PARPBP: variants seen among roughly 807,000 people sequenced by gnomAD.
PARPBP encodes the protein PARP1 binding protein.
Under a neutral mutation model 50.0 loss-of-function variants are expected in PARPBP, and 52 were observed. The ratio of observed to expected loss-of-function variants is 1.04; its 90% CI spans 0.83 to 1.31. PARPBP has a LOEUF of 1.31. Among genes scored for constraint, PARPBP ranks in the 50% most tolerant of loss-of-function variants. The pLI, the probability that PARPBP is intolerant of heterozygous loss-of-function variation, is 0.00. For synonymous variants in PARPBP, 244 were observed against 232.1 expected (o/e 1.05, Z -0.47); for missense variants, 697 against 672.0 (o/e 1.04, Z -0.41).
At chr12:102,185,312 G>C (rs931318556) in intron 9 of PARPBP, among the ~76,000 whole-genome samples, 1 of 152,172 alleles carries the variant, frequency 6.6e-6, no homozygotes, top group African/African-American at 2.4e-5. Flanking sequence ...CCGTTATTCT[G>C]TTGATATAAT....
Position 102,196,363 on chromosome 12 carries a change from G to T in PARPBP, c.*72G>T. On this transcript the variant is annotated 3_prime_UTR_variant, in exon 11 of 11. Transcript: ENST00000327680. ...CCAAAGACATGCTTAATTTTTAAGA[G>T]ATCAAGGTGTAAATTATGATGATTT... is the stretch of plus-strand genomic sequence containing the variant. The T allele has an allele frequency of 1.0e-6, 1 of 983,226 alleles. No homozygotes were observed. Among genetic ancestry groups the T allele is most frequent in the South Asian group, 1.6e-5 (1 of 61,230 alleles). The allele number at this position is 983,226 out of a possible 1,614,324, so 60.9% of individuals were successfully genotyped here. A position where few individuals can be genotyped will look rare whatever the true frequency, so the allele number is the denominator to read the frequency against.
chr12:102,153,385 GC>G (rs1227066973), intron 3 of PARPBP, among the ~76,000 whole-genome samples: 1 of 152,124 alleles, frequency 6.6e-6, no homozygotes, highest in East Asian at 1.9e-4. Flanking sequence ...TCACTCTGGC[GC>G]CCAGGTTGGA....
intron 2 of PARPBP, among the ~76,000 whole-genome samples, chr12:102,147,188 C>T (rs1399304162): frequency 1.3e-5 from 2 of 152,150 alleles, no homozygotes; most frequent in Non-Finnish European, 2.9e-5. Flanking sequence ...ACTAGAAATA[C>T]CATTTGACCC....
Position 102,123,981 on chromosome 12 carries a change from A to G in PARPBP, c.93A>G (p.Leu31=), listed in dbSNP as rs955571068. The change falls in exon 2 of 11, where the codon CTA becomes CTG. Residue 31 remains leucine, a synonymous_variant. Transcript: ENST00000327680. ...TTTGTAACTCTGAGAGAACTACTCT[A>G]TGTGGTGCAGACTCCATGCTCTTGG... ...RALCNSERTT[L]CGADSMLLAL... is the part of the protein sequence containing the mutation. 1 of 1,534,010 alleles carries G rather than the reference A, an allele frequency of 6.5e-7. No individual in the cohort carries two copies. Among genetic ancestry groups the G allele is most frequent in the Non-Finnish European group, 8.7e-7 (1 of 1,145,008 alleles).
At chr12:102,145,909 C>G (rs1885280830) in intron 2 of PARPBP, among the ~76,000 whole-genome samples, 1 of 152,076 alleles carries the variant, frequency 6.6e-6, no homozygotes, top group Non-Finnish European at 1.5e-5. Flanking sequence ...AGCAATGGCT[C>G]AAGGTTTTAG....
At chr12:102,153,256 A>C (rs753983269) in intron 3 of PARPBP, among the ~76,000 whole-genome samples, 1 of 152,074 alleles carries the variant, frequency 6.6e-6, no homozygotes, top group African/African-American at 2.4e-5. Context: ...CCTTCTTCCA[A>C]ATTGCCTTTG....
chr12:102,141,556 A>G (rs982507462), intron 2 of PARPBP, among the ~76,000 whole-genome samples: 21 of 152,280 alleles, frequency 1.4e-4, no homozygotes, highest in African/African-American at 4.8e-4. Flanking sequence ...TTTGCTCGTT[A>G]GTTGATGCAG....
rs192998354 is a variant in PARPBP, at chr12:102,142,949, T to C, written c.154-5281T>C. Among the ~76,000 whole-genome samples the C allele has an allele frequency of 9.8e-5, 15 of 152,340 alleles. No individual in the cohort carries two copies. The East Asian group carries it at 2.9e-3, about 29-fold the overall frequency. ...GGCTACTTGGTGTTCAGGGACCTAC[T>C]TGAGGAGGCAGTCTGTCCGTTCTCA... On this transcript the variant is annotated intron_variant, in intron 2 of 10. Coordinates refer to ENST00000327680, the MANE Select transcript of PARPBP (RefSeq NM_017915.5).
intron 3 of PARPBP, among the ~76,000 whole-genome samples, chr12:102,152,847 C>T (rs762294691): frequency 1.6e-5 from 2 of 127,264 alleles, no homozygotes; most frequent in African/African-American, 6.5e-5. Context: ...AAATTAAGCA[C>T]AATAAATATT....
At position 102,122,692 on chromosome 12, in the gene PARPBP, G is replaced by A. The variant is rs1338325427; in HGVS notation, c.-3-1194G>A. ...AAGGCTTTTGTGTGCATCAGGAGAA[G>A]TTACTTAACATGATGCTTTAAGAAC... On this transcript the variant is annotated intron_variant, in intron 1 of 10. Transcript: ENST00000327680. 2.0e-5 allele frequency among the ~76,000 whole-genome samples: 3 copies of A among 152,186 alleles called. No homozygotes were observed. The East Asian group carries it at 5.8e-4, about 29-fold the overall frequency.
intron 2 of PARPBP, among the ~76,000 whole-genome samples, chr12:102,135,745 G>A (rs1236261906): frequency 1.3e-5 from 2 of 152,092 alleles, no homozygotes; most frequent in African/African-American, 2.4e-5. Context: ...TTGAAGAAAC[G>A]GAAGGAAGTT....
rs35855638 is a variant in PARPBP at position 102,121,545 on chromosome 12, CTTTTTT to C, written c.-4+1280_-4+1285del. Among the ~76,000 whole-genome samples the C allele has an allele frequency of 2.6e-3, 224 of 87,196 alleles. 1 individual carries two copies. Among genetic ancestry groups the C allele is most frequent in the Non-Finnish European group, 3.7e-3 (171 of 45,970 alleles). 57.2% of individuals were successfully genotyped at this position (87,196 alleles called of 152,430 possible). ...GGTTTTCTGTCACCATAGTAATGCT[CTTTTTT>C]TTTTTTTTTTTTTTTTTTTTAAGAC... On this transcript the variant is annotated intron_variant, in intron 1 of 10. Transcript: ENST00000327680.
chr12:102,144,322 A>T (rs1282395970), intron 2 of PARPBP, among the ~76,000 whole-genome samples: 1 of 152,212 alleles, frequency 6.6e-6, no homozygotes, highest in Non-Finnish European at 1.5e-5. Context: ...GTGCAATACA[A>T]TCCTTCTTAT....
chr12:102,193,717 T>C (rs903190973), intron 9 of PARPBP, among the ~76,000 whole-genome samples: 1 of 152,046 alleles, frequency 6.6e-6, no homozygotes, highest in Non-Finnish European at 1.5e-5. Context: ...TATCTACTGC[T>C]TTAAATCTGT....
intron 2 of PARPBP, among the ~76,000 whole-genome samples, chr12:102,141,775 G>A (rs867239076): frequency 5.3e-5 from 8 of 152,266 alleles, no homozygotes; most frequent in African/African-American, 1.4e-4. Context: ...GAAATTCTGG[G>A]TTGAAAATTC....
rs552282447 is a variant in PARPBP, at chr12:102,136,257, G to T, written c.154-11973G>T. ...GGATTATGAGAATATTGAATAAATA[G>T]ACTAGCTAAGGGTTAAACCTTGGTG... On this transcript the variant is annotated intron_variant, in intron 2 of 10. Coordinates refer to ENST00000327680, the MANE Select transcript of PARPBP (RefSeq NM_017915.5). Among the ~76,000 whole-genome samples the T allele has an allele frequency of 1.4e-4, 21 of 152,340 alleles. No homozygotes were observed. The East Asian group carries it at 4.0e-3, about 29-fold the overall frequency.
At chr12:102,125,526 G>A (rs1594427247) in intron 2 of PARPBP, among the ~76,000 whole-genome samples, 4 of 152,274 alleles carry the variant, frequency 2.6e-5, no homozygotes, top group Admixed American at 2.0e-4. Flanking sequence ...AGGAGCAGGT[G>A]TAGTGGCCCT....
chr12:102,141,265 G>C (rs1318088597), intron 2 of PARPBP, among the ~76,000 whole-genome samples: 1 of 151,770 alleles, frequency 6.6e-6, no homozygotes, highest in Non-Finnish European at 1.5e-5. Context: ...TTTGATTTTT[G>C]TTGGTTTAAA....
At chr12:102,121,854 A>G (rs1169974239) in intron 1 of PARPBP, among the ~76,000 whole-genome samples, 1 of 152,092 alleles carries the variant, frequency 6.6e-6, no homozygotes, top group Non-Finnish European at 1.5e-5. Context: ...TTTTACTTTT[A>G]ACTCAAAACA....
Sources: gnomAD v4.1 joint callset for allele counts (sites outside exome capture counted in the v4.1 genomes callset) on GRCh38, gnomAD v4.1.1 for gene constraint, MANE v1.5 for transcripts, NCBI Gene and HGNC (gene_info 2026-07-23, HGNC 2026-07-21) for gene names.